Variants in ARHGAP10 observed in about 807,000 individuals in gnomAD.
ARHGAP10 encodes the protein rho GTPase-activating protein 10.
ARHGAP10 carries 87 observed loss-of-function variants against 108.6 expected under a neutral mutation model. The observed-to-expected ratio is 0.80, with a 90% CI of 0.67 to 0.96. ARHGAP10 has a LOEUF of 0.96. Among genes scored for constraint, ARHGAP10 ranks in the 40% least tolerant of loss-of-function variants. The pLI, the probability that ARHGAP10 is intolerant of heterozygous loss-of-function variation, is 0.00. For missense variants in ARHGAP10, 939 were observed against 954.5 expected, an observed-to-expected ratio of 0.98 and a Z score of 0.21; for synonymous variants, 347 against 341.1, an observed-to-expected ratio of 1.02 and a Z score of -0.19.
intron 1 of ARHGAP10, among the ~76,000 whole-genome samples, chr4:147,817,693 A>G (rs1732313003): frequency 6.6e-6 from 1 of 151,910 alleles, no homozygotes; most frequent in African/African-American, 2.4e-5. Flanking sequence ...AGTCTGGAAG[A>G]CTCTGAAGTG....
At chr4:147,832,666 G>GAAAAAAAAAAAAAAAAAAAATAA in intron 3 of ARHGAP10, among the ~76,000 whole-genome samples, 1 of 45,756 alleles carries the variant, frequency 2.2e-5, no homozygotes, top group South Asian at 8.7e-4. Flanking sequence ...AAAAAAAAAG[G>GAAAAAAAAAAAAAAAAAAAATAA]AAATTGGAGC....
At chr4:147,978,126 C>T (rs1159611996) in intron 18 of ARHGAP10, among the ~76,000 whole-genome samples, 3 of 152,146 alleles carry the variant, frequency 2.0e-5, no homozygotes, top group Non-Finnish European at 4.4e-5. Context: ...GATTAACATA[C>T]AAGTACTGCA....
In ARHGAP10 at chr4:148,024,065, T is replaced by A. The variant is rs554305205; in HGVS notation, c.1867+652T>A. ...GCCCAGTTTTTACAAAGCCTAGAAA[T>A]CTGAGTTTTCAACACTGATCCATAC... On this transcript the variant is annotated intron_variant, in intron 19 of 22. Transcript: ENST00000336498. 2.5e-4 allele frequency among the ~76,000 whole-genome samples: 38 copies of A among 152,318 alleles called. No individual in the cohort carries two copies. In the South Asian group the frequency reaches 7.5e-3, roughly 30 times the overall value.
At chr4:147,843,417 T>C (rs1457807165) in intron 3 of ARHGAP10, among the ~76,000 whole-genome samples, 1 of 152,150 alleles carries the variant, frequency 6.6e-6, no homozygotes, top group African/African-American at 2.4e-5. Flanking sequence ...CAGTCATAAA[T>C]CAACTCCAGC....
chr4:147,775,931 C>T (rs1022831934), intron 1 of ARHGAP10, among the ~76,000 whole-genome samples: 1 of 152,106 alleles, frequency 6.6e-6, no homozygotes, highest in Non-Finnish European at 1.5e-5. Context: ...CCGTTTTACA[C>T]ACTAGGAAAC....
At chr4:147,741,784 ACACACACG>A (rs1353664481) in intron 1 of ARHGAP10, among the ~76,000 whole-genome samples, 607 of 19,552 alleles carry the variant, frequency 0.031, 9 homozygotes, top group Middle Eastern at 0.16. Context: ...ACACACACAC[ACACACACG>A]CACACACACA....
At chr4:147,783,809 ATAAC>A (rs1730673822) in intron 1 of ARHGAP10, among the ~76,000 whole-genome samples, 1 of 37,444 alleles carries the variant, frequency 2.7e-5, no homozygotes, top group Non-Finnish European at 3.0e-4. Flanking sequence ...TTATATTTAT[ATAAC>A]ACACATTAAA....
At chr4:148,064,056 G>A (rs900866308) in intron 21 of ARHGAP10, among the ~76,000 whole-genome samples, 4 of 152,162 alleles carry the variant, frequency 2.6e-5, no homozygotes, top group African/African-American at 9.7e-5. Flanking sequence ...CTCCAGGTGC[G>A]TGTGCTTTTC....
rs73853720 is a variant in ARHGAP10 at position 148,072,228 on chromosome 4, G to T, written c.*147G>T. On this transcript the variant is annotated 3_prime_UTR_variant, in exon 23 of 23. Coordinates refer to ENST00000336498, the MANE Select transcript of ARHGAP10 (RefSeq NM_024605.4). ...CATCATCACAGTCAGCCCTGGGGGT[G>T]GGGGGTGGTGGGCAGGGATGGGACG... The T allele has an allele frequency of 3.0e-5, 16 of 527,484 alleles. No homozygotes were observed. The highest frequency in any genetic ancestry group is 1.2e-4 in the African/African-American group (6 of 50,928). 32.7% of individuals were successfully genotyped at this position (527,484 alleles called of 1,614,324 possible).
At position 147,879,608 on chromosome 4, in the gene ARHGAP10, A is replaced by G. The variant is rs1301028618; in HGVS notation, c.939+270A>G. 2.0e-5 allele frequency among the ~76,000 whole-genome samples: 3 copies of G among 151,786 alleles called. No homozygotes were observed. The East Asian group carries it at 5.8e-4, about 29-fold the overall frequency. ...TGTGCACAACGTGCAGGTTTGTTAC[A>G]TAGGTATGCATGTGTCATGGTGATT... On this transcript the variant is annotated intron_variant, in intron 9 of 22. Transcript: ENST00000336498.
chr4:147,821,855 C>G (rs1374037012), intron 1 of ARHGAP10, among the ~76,000 whole-genome samples: 1 of 152,250 alleles, frequency 6.6e-6, no homozygotes, highest in Non-Finnish European at 1.5e-5. Flanking sequence ...TTGTATACTG[C>G]TCAGGCCATG....
At chr4:147,844,193 T>C (rs1028723330) in intron 3 of ARHGAP10, among the ~76,000 whole-genome samples, 1 of 152,156 alleles carries the variant, frequency 6.6e-6, no homozygotes, top group African/African-American at 2.4e-5. Context: ...AATTTATTTT[T>C]ATTTTTAGGA....
At chr4:148,061,858 G>C (rs1366729474) in intron 20 of ARHGAP10, among the ~76,000 whole-genome samples, 9 of 152,184 alleles carry the variant, frequency 5.9e-5, no homozygotes, top group Admixed American at 2.6e-4. Flanking sequence ...ATACTTGAAG[G>C]CATCAGAGAA....
intron 3 of ARHGAP10, among the ~76,000 whole-genome samples, chr4:147,843,054 C>T (rs1421919798): frequency 6.6e-6 from 1 of 152,114 alleles, no homozygotes; most frequent in East Asian, 1.9e-4. Flanking sequence ...GAAAAAATAG[C>T]CATTTGGTAG....
chr4:147,897,773 C>A (rs1399120739), intron 10 of ARHGAP10, among the ~76,000 whole-genome samples: 3 of 152,132 alleles, frequency 2.0e-5, no homozygotes, highest in Admixed American at 6.5e-5. Flanking sequence ...TTTATGAAAT[C>A]AGTAATCAGT....
intron 18 of ARHGAP10, among the ~76,000 whole-genome samples, chr4:147,975,056 C>T (rs1739539853): frequency 6.6e-6 from 1 of 152,206 alleles, no homozygotes; most frequent in Admixed American, 6.5e-5. Context: ...ATATCATAGC[C>T]TTTATGTATT....
chr4:147,839,561 A>G (rs1012106776), intron 3 of ARHGAP10, among the ~76,000 whole-genome samples: 2 of 152,226 alleles, frequency 1.3e-5, no homozygotes, highest in Admixed American at 6.5e-5. Context: ...GTTACTAAAG[A>G]TACTATAGGA....
chr4:147,776,224 GA>G (rs954249113), intron 1 of ARHGAP10, among the ~76,000 whole-genome samples: 75 of 151,508 alleles, frequency 5.0e-4, no homozygotes, highest in African/African-American at 1.5e-3. Flanking sequence ...ATGAATGATG[GA>G]AAAAAAAATT....
chr4:147,976,881 A>G (rs1012621981), intron 18 of ARHGAP10, among the ~76,000 whole-genome samples: 1 of 152,258 alleles, frequency 6.6e-6, no homozygotes, highest in African/African-American at 2.4e-5. Context: ...TAAAGTGTGC[A>G]TAGATTTATT....
Sources: gnomAD v4.1 joint callset for allele counts (sites outside exome capture counted in the v4.1 genomes callset) on GRCh38, gnomAD v4.1.1 for gene constraint, MANE v1.5 for transcripts, NCBI Gene and HGNC (gene_info 2026-07-23, HGNC 2026-07-21) for gene names.